Variants in SPOCK3 observed in about 807,000 individuals in gnomAD.
The protein encoded by SPOCK3 is SPARC (osteonectin), cwcv and kazal like domains proteoglycan 3.
Under a neutral mutation model 56.6 loss-of-function variants are expected in SPOCK3, and 30 were observed. That is an observed-to-expected ratio of 0.53 (90% CI 0.40 to 0.72). The LOEUF (loss-of-function observed/expected upper bound fraction) is 0.72. Ranked by LOEUF, SPOCK3 falls within the 30% of genes least tolerant of loss-of-function variation. The pLI, the probability that SPOCK3 is intolerant of heterozygous loss-of-function variation, is 0.00. For missense variants in SPOCK3, 527 were observed against 530.0 expected (o/e 0.99, Z 0.06); for synonymous variants, 196 against 183.3 (o/e 1.07, Z -0.56).
chr4:167,118,060 TGG>T (rs1761576692), intron 2 of SPOCK3, among the ~76,000 whole-genome samples: 1 of 152,166 alleles, frequency 6.6e-6, no homozygotes, highest in South Asian at 2.1e-4. Context: ...GAGATCCTTT[TGG>T]TCAAACCAAC....
At chr4:166,998,874 CT>C (rs1236030253) in intron 4 of SPOCK3, among the ~76,000 whole-genome samples, 1 of 152,032 alleles carries the variant, frequency 6.6e-6, no homozygotes, top group Non-Finnish European at 1.5e-5. Context: ...ATTTCACCCC[CT>C]ATATACACAC....
At chr4:167,130,568 T>A (rs751350278) in intron 2 of SPOCK3, among the ~76,000 whole-genome samples, 7 of 152,136 alleles carry the variant, frequency 4.6e-5, no homozygotes, top group Non-Finnish European at 8.8e-5. Context: ...AATTTAGATG[T>A]TTTTGTACTT....
chr4:167,216,938 C>G (rs1286802110), intron 2 of SPOCK3, among the ~76,000 whole-genome samples: 2 of 151,978 alleles, frequency 1.3e-5, no homozygotes, highest in South Asian at 4.1e-4. Flanking sequence ...ACACTCATAA[C>G]TGAATGACAA....
At chr4:167,030,005 G>A (rs1752102201) in intron 3 of SPOCK3, among the ~76,000 whole-genome samples, 1 of 151,800 alleles carries the variant, frequency 6.6e-6, no homozygotes, top group Non-Finnish European at 1.5e-5. Flanking sequence ...TAGTATCTTA[G>A]TATTTTCTCG....
intron 7 of SPOCK3, among the ~76,000 whole-genome samples, chr4:166,771,154 A>C (rs1429179297): frequency 2.6e-5 from 4 of 151,164 alleles, no homozygotes; most frequent in Admixed American, 6.6e-5. Context: ...TTGTTTAAAA[A>C]GTTCAGAATA....
At chr4:166,971,767 A>G (rs1164063569) in intron 4 of SPOCK3, among the ~76,000 whole-genome samples, 5 of 152,128 alleles carry the variant, frequency 3.3e-5, no homozygotes, top group Non-Finnish European at 5.9e-5. Context: ...CATACTAGAC[A>G]TTATTAGCTT....
At chr4:167,075,068 G>A (rs1757048873) in intron 2 of SPOCK3, among the ~76,000 whole-genome samples, 2 of 151,740 alleles carry the variant, frequency 1.3e-5, no homozygotes, top group African/African-American at 4.8e-5. Context: ...TCGCCCTACT[G>A]TGCACTCATT....
chr4:166,878,300 T>C (rs9990732), intron 6 of SPOCK3, among the ~76,000 whole-genome samples: 11,759 of 152,012 alleles, frequency 0.077, 542 homozygotes, highest in Non-Finnish European at 0.1. Flanking sequence ...GAAACAAAGT[T>C]ATAAACAACA....
rs1282628945 is a variant in SPOCK3 at position 167,062,507 on chromosome 4, T to G, written c.220A>C (p.Lys74Gln). Residue 74 changes from lysine (K) to glutamine (Q), a missense_variant, in exon 3 of 11, where the codon AAA becomes CAA. Transcript: ENST00000357545. ...AGATTCTTACCCTGATCGAAGGGTT[T>G]TCCTGGACTCCAAGTGCGGAAATAA... is the stretch of plus-strand genomic sequence containing the variant. ...DDYFRTWSPG[K>Q]PFDQALDPAK... 1.2e-6 allele frequency: 2 copies of G among 1,606,568 alleles called. No homozygotes were observed. The highest frequency in any genetic ancestry group is 2.2e-5 in the South Asian group (2 of 90,442).
chr4:167,207,284 C>T (rs1050495849), intron 2 of SPOCK3, among the ~76,000 whole-genome samples: 4 of 151,832 alleles, frequency 2.6e-5, no homozygotes, highest in Non-Finnish European at 4.4e-5. Flanking sequence ...AAAATAAACA[C>T]CTGCTTATAG....
chr4:167,126,614 C>A (rs911944282), intron 2 of SPOCK3, among the ~76,000 whole-genome samples: 3 of 131,216 alleles, frequency 2.3e-5, no homozygotes, highest in Non-Finnish European at 5.0e-5. Context: ...GAATTTCCAA[C>A]CCCTGCAATA....
intron 7 of SPOCK3, among the ~76,000 whole-genome samples, chr4:166,765,517 G>A (rs1304979292): frequency 6.6e-6 from 1 of 152,096 alleles, no homozygotes; most frequent in Non-Finnish European, 1.5e-5. Context: ...TATTATTTCT[G>A]AGGGCTCTGT....
chr4:166,930,488 T>TA lies in SPOCK3; in HGVS notation c.351-17746dup, dbSNP rs35331837. 2.2e-3 allele frequency among the ~76,000 whole-genome samples: 327 copies of TA among 148,578 alleles called. 1 individual carries two copies. The highest frequency in any genetic ancestry group is 3.6e-3 in the Non-Finnish European group (241 of 66,678). On this transcript the variant is annotated intron_variant, in intron 4 of 10. Transcript: ENST00000357545. Reference sequence around the variant, plus strand: ...AATCCTTTCAGTATTCTACCCTTGTTAAAAAAAAAAAGACAATGATAGTCA... The same window carrying TA: ...AATCCTTTCAGTATTCTACCCTTGTTAAAAAAAAAAAAGACAATGATAGTCA...
chr4:167,177,400 C>T (rs545744476), intron 2 of SPOCK3, among the ~76,000 whole-genome samples: 21 of 152,182 alleles, frequency 1.4e-4, no homozygotes, highest in Admixed American at 8.5e-4. Context: ...TCACCACTGA[C>T]ATGCCTTCCA....
At chr4:167,072,860 C>T (rs1756810835) in intron 2 of SPOCK3, among the ~76,000 whole-genome samples, 1 of 151,678 alleles carries the variant, frequency 6.6e-6, no homozygotes, top group African/African-American at 2.4e-5. Flanking sequence ...ATATCTATTC[C>T]ACATTTTCAT....
At chr4:166,908,303 CA>C (rs1736854017) in intron 5 of SPOCK3, among the ~76,000 whole-genome samples, 2 of 148,938 alleles carry the variant, frequency 1.3e-5, no homozygotes, top group South Asian at 4.3e-4. Context: ...CACACACACA[CA>C]CACACACCCC....
At chr4:167,219,512 T>G (rs1297759599) in intron 2 of SPOCK3, among the ~76,000 whole-genome samples, 1 of 152,208 alleles carries the variant, frequency 6.6e-6, no homozygotes, top group Non-Finnish European at 1.5e-5. Context: ...TGTCTTGCAA[T>G]GTTTTACATA....
chr4:167,042,854 T>C (rs956726979), intron 3 of SPOCK3, among the ~76,000 whole-genome samples: 1 of 152,134 alleles, frequency 6.6e-6, no homozygotes, highest in Non-Finnish European at 1.5e-5. Flanking sequence ...AAGTAAGTCA[T>C]GCCAATAAGT....
intron 4 of SPOCK3, among the ~76,000 whole-genome samples, chr4:166,987,180 C>A (rs1312477491): frequency 2.0e-5 from 3 of 152,112 alleles, no homozygotes; most frequent in African/African-American, 7.2e-5. Flanking sequence ...TATCTTACTT[C>A]TCTTATGACC....
Sources: gnomAD v4.1 joint callset for allele counts (sites outside exome capture counted in the v4.1 genomes callset) on GRCh38, gnomAD v4.1.1 for gene constraint, MANE v1.5 for transcripts, NCBI Gene and HGNC (gene_info 2026-07-23, HGNC 2026-07-21) for gene names.